The following SCEL variants were observed in gnomAD, a reference collection of about 807,000 sequenced individuals.
SCEL encodes the protein sciellin.
SCEL carries 113 observed loss-of-function variants against 117.6 expected under a neutral mutation model. That is an observed-to-expected ratio of 0.96 (90% CI 0.83 to 1.12). The LOEUF is 1.12. Among genes scored for constraint, SCEL ranks in the 50% most tolerant of loss-of-function variants. SCEL has a pLI of 0.00. For missense variants in SCEL, 785 were observed against 810.8 expected (o/e 0.97, Z 0.39); for synonymous variants, 270 against 256.2 (o/e 1.05, Z -0.51).
At chr13:77,608,592 A>C (rs1349681171) in intron 20 of SCEL, among the ~76,000 whole-genome samples, 1 of 152,042 alleles carries the variant, frequency 6.6e-6, no homozygotes, top group African/African-American at 2.4e-5. Context: ...AGAGCCAAAC[A>C]CCATGCCAAA....
chr13:77,555,053 A>G (rs2084573254), intron 1 of SCEL, among the ~76,000 whole-genome samples: 1 of 152,154 alleles, frequency 6.6e-6, no homozygotes, highest in South Asian at 2.1e-4. Flanking sequence ...TATAATAATA[A>G]TAATAATGAA....
At chr13:77,633,427 A>G (rs1318758917) in intron 28 of SCEL, among the ~76,000 whole-genome samples, 2 of 115,918 alleles carry the variant, frequency 1.7e-5, no homozygotes, top group Admixed American at 1.9e-4. Context: ...TGGGCGACAG[A>G]GCGAGACTCC....
chr13:77,616,256 A>G (rs2089030756), intron 24 of SCEL, among the ~76,000 whole-genome samples: 1 of 152,012 alleles, frequency 6.6e-6, no homozygotes, highest in South Asian at 2.1e-4. Flanking sequence ...CTGTGGTTAC[A>G]CTAACCAATA....
intron 9 of SCEL, among the ~76,000 whole-genome samples, chr13:77,587,275 C>T (rs2086618204): frequency 6.6e-6 from 1 of 152,064 alleles, no homozygotes; most frequent in South Asian, 2.1e-4. Context: ...GTACTTCCAT[C>T]TAAGATCAAC....
intron 32 of SCEL, 115 bp from the exon 33 acceptor site, chr13:77,644,143 G>A (rs2090689400): frequency 2.6e-6 from 3 of 1,143,382 alleles, no homozygotes; most frequent in Non-Finnish European, 3.9e-6. Context: ...GAAGTGGAAG[G>A]AAAAGTGGAA....
At chr13:77,640,814 A>T in intron 31 of SCEL, 30 bp downstream of exon 31, 1 of 1,140,752 alleles carries the variant, frequency 8.8e-7, no homozygotes, top group South Asian at 1.4e-5. Context: ...ACTTAATTAA[A>T]TAAAAAATTG....
chr13:77,625,926 CA>C (rs1475666709), intron 27 of SCEL, among the ~76,000 whole-genome samples: 1 of 152,142 alleles, frequency 6.6e-6, no homozygotes, highest in Non-Finnish European at 1.5e-5. Context: ...AGTGGCCTCT[CA>C]AAATGTGGAA....
chr13:77,625,388 T>C (rs1343893837), intron 27 of SCEL, among the ~76,000 whole-genome samples: 3 of 152,224 alleles, frequency 2.0e-5, no homozygotes, highest in Non-Finnish European at 2.9e-5. Flanking sequence ...TCACTATTTC[T>C]AAATTTGCAG....
chr13:77,574,182 A>C (rs76531568), intron 9 of SCEL, among the ~76,000 whole-genome samples: 9 of 152,380 alleles, frequency 5.9e-5, no homozygotes, highest in Non-Finnish European at 1.0e-4. Context: ...AAACATGGAA[A>C]GATTATTCAT....
At chr13:77,569,100 T>C (rs1327904864) in intron 7 of SCEL, among the ~76,000 whole-genome samples, 1 of 152,250 alleles carries the variant, frequency 6.6e-6, no homozygotes. Flanking sequence ...ACGCCAGAAT[T>C]GATTTGTCTG....
At chr13:77,633,442 CAAAAA>C (rs59939208) in intron 28 of SCEL, among the ~76,000 whole-genome samples, 2,016 of 29,988 alleles carry the variant, frequency 0.067, 68 homozygotes, top group African/African-American at 0.18. Flanking sequence ...GACTCCGCCT[CAAAAA>C]AAAAAAAAAA....
intron 19 of SCEL, 118 bp from the exon 20 acceptor site, chr13:77,607,938 T>G: frequency 3.0e-6 from 2 of 660,038 alleles, no homozygotes; most frequent in Non-Finnish European, 5.0e-6. Context: ...CTCCTTGGCA[T>G]GATCTCAATG....
At chr13:77,617,531 A>G (rs1461192474) in intron 24 of SCEL, 68 bp from the exon 25 acceptor site, 1 of 910,612 alleles carries the variant, frequency 1.1e-6, no homozygotes. Flanking sequence ...CTTTCTATCC[A>G]TTTCCAATTA....
intron 28 of SCEL, among the ~76,000 whole-genome samples, chr13:77,630,043 G>T (rs1258602988): frequency 6.6e-6 from 1 of 152,140 alleles, no homozygotes; most frequent in African/African-American, 2.4e-5. Context: ...AGGTTTTATG[G>T]CTGGCTTTGG....
chr13:77,643,551 T>A (rs1454428212), intron 32 of SCEL, among the ~76,000 whole-genome samples: 1 of 152,138 alleles, frequency 6.6e-6, no homozygotes, highest in Non-Finnish European at 1.5e-5. Context: ...GAGAAGACGG[T>A]CAACGGTACT....
rs935871013 is a variant in SCEL at position 77,563,761 on chromosome 13, A to G, written c.222-70A>G. 5.9e-6 allele frequency: 7 copies of G among 1,182,166 alleles called. No individual in the cohort carries two copies. In the African/African-American group the frequency reaches 1.1e-4, roughly 19 times the overall value. The allele number at this position is 1,182,166 out of a possible 1,614,324, so 73.2% of individuals were successfully genotyped here. On this transcript the variant is annotated intron_variant, in intron 4 of 32. Transcript: ENST00000349847. ...AGGTCAAAATATTGCCATATGTATGATAGGTTTTATAAACTTTTTTTTTGT... is the reference window on the plus strand; with the variant it reads ...AGGTCAAAATATTGCCATATGTATGGTAGGTTTTATAAACTTTTTTTTTGT...
intron 9 of SCEL, 101 bp downstream of exon 9, chr13:77,572,290 G>A: frequency 5.3e-6 from 5 of 936,964 alleles, no homozygotes; most frequent in Admixed American, 2.1e-5. Flanking sequence ...TAAATTGGAG[G>A]CAATCTCATG....
Position 77,632,334 on chromosome 13 carries a change from G to A in SCEL, c.1692-2045G>A, listed in dbSNP as rs114928727. Among the ~76,000 whole-genome samples, 1,088 of 152,256 alleles carry A rather than the reference G, an allele frequency of 7.1e-3. 16 individuals carry two copies. The highest frequency in any genetic ancestry group is 0.024 in the African/African-American group (1,005 of 41,524). ...TCACTGATAATCTTTGTCCTTTGAC[G>A]CTGTCTACTTCTTAAAGTTGGGTTT... On this transcript the variant is annotated intron_variant, in intron 28 of 32. Transcript: ENST00000349847.
At chr13:77,607,883 C>T (rs2088335372) in intron 19 of SCEL, among the ~76,000 whole-genome samples, 173 bp from the exon 20 acceptor site, 1 of 152,198 alleles carries the variant, frequency 6.6e-6, no homozygotes, top group South Asian at 2.1e-4. Context: ...GTACAAATCC[C>T]TACATATTTC....
Sources: allele counts gnomAD v4.1 joint callset (sites outside exome capture counted in the v4.1 genomes callset), GRCh38; gene constraint gnomAD v4.1.1; transcripts MANE v1.5; gene names NCBI Gene and HGNC (gene_info 2026-07-23, HGNC 2026-07-21).